Variants in MAF observed in about 807,000 individuals in gnomAD.
MAF encodes the protein MAF bZIP transcription factor, also known as transcription factor Maf.
In MAF, 10 loss-of-function variants were observed where a neutral mutation model predicts 22.0. The ratio of observed to expected loss-of-function variants is 0.45; its 90% CI spans 0.28 to 0.77. The LOEUF is 0.77. MAF is among the 30% of genes least tolerant of loss of function. MAF has a pLI of 0.12. For synonymous variants in MAF, 337 were observed against 255.8 expected, an observed-to-expected ratio of 1.32 and a Z score of -3.03; for missense variants, 544 against 548.4, an observed-to-expected ratio of 0.99 and a Z score of 0.08.
At chr16:79,368,548 A>G in the MAF span, among the ~76,000 whole-genome samples, 1 of 152,096 alleles carries the variant, frequency 6.6e-6, no homozygotes, top group African/African-American at 2.4e-5. Flanking sequence ...TACTGTGCAT[A>G]ATGTTACTGA....
chr16:79,417,848 C>T, the MAF span, among the ~76,000 whole-genome samples: 5 of 152,050 alleles, frequency 3.3e-5, no homozygotes, highest in Non-Finnish European at 7.4e-5. Flanking sequence ...CTCCACACGA[C>T]GCGGCACACG....
chr16:79,371,653 A>T, the MAF span, among the ~76,000 whole-genome samples: 2 of 151,448 alleles, frequency 1.3e-5, no homozygotes, highest in African/African-American at 4.9e-5. Flanking sequence ...TTCCCTAAAA[A>T]CCCTTCCCAT....
the MAF span, among the ~76,000 whole-genome samples, chr16:79,299,028 G>A: frequency 6.6e-6 from 1 of 152,256 alleles, no homozygotes; most frequent in African/African-American, 2.4e-5. Context: ...TGGGCACCTT[G>A]TGGTGCTGAT....
At chr16:79,570,129 T>C in the MAF span, among the ~76,000 whole-genome samples, 1 of 151,920 alleles carries the variant, frequency 6.6e-6, no homozygotes, top group African/African-American at 2.4e-5. Flanking sequence ...AGCCATTAAA[T>C]TGACAGGTTG....
chr16:79,521,812 A>C, the MAF span, among the ~76,000 whole-genome samples: 2 of 152,204 alleles, frequency 1.3e-5, no homozygotes, highest in Admixed American at 6.5e-5. Context: ...CTATGTGAAA[A>C]AGACACCATA....
the MAF span, among the ~76,000 whole-genome samples, chr16:79,369,874 C>G: frequency 6.6e-6 from 1 of 152,208 alleles, no homozygotes; most frequent in African/African-American, 2.4e-5. Context: ...GAAGAAATAA[C>G]TGGAAAGGGG....
At chr16:79,545,525 GAA>G in the MAF span, among the ~76,000 whole-genome samples, 4,000 of 146,414 alleles carry the variant, frequency 0.027, 90 homozygotes, top group Middle Eastern at 0.07. Context: ...CAAGCCATTG[GAA>G]AAAAAAAAAA....
the MAF span, among the ~76,000 whole-genome samples, chr16:79,272,985 C>G: frequency 6.6e-6 from 1 of 152,016 alleles, no homozygotes. Flanking sequence ...TGTGTCTAAA[C>G]TCTAAATTAT....
At chr16:79,443,566 A>T in the MAF span, among the ~76,000 whole-genome samples, 1 of 152,220 alleles carries the variant, frequency 6.6e-6, no homozygotes, top group Non-Finnish European at 1.5e-5. Flanking sequence ...TTCAAAAACT[A>T]AAGAGGGACC....
At chr16:79,477,427 T>A in the MAF span, among the ~76,000 whole-genome samples, 1 of 152,182 alleles carries the variant, frequency 6.6e-6, no homozygotes, top group Non-Finnish European at 1.5e-5. Flanking sequence ...CGAGCCTGGC[T>A]GTCTTGCGTA....
the MAF span, among the ~76,000 whole-genome samples, chr16:79,278,054 G>A: frequency 7.9e-5 from 12 of 152,280 alleles, no homozygotes; most frequent in African/African-American, 2.9e-4. Context: ...TAATGCCTGC[G>A]ATTGCAAACA....
At chr16:79,584,161 TA>T (rs1334746757), downstream of MAF, among the ~76,000 whole-genome samples, 1 of 152,198 alleles carries the variant, frequency 6.6e-6, no homozygotes, top group Admixed American at 6.5e-5. Flanking sequence ...ATTTAGTTTT[TA>T]TATCCTAGCC....
At chr16:79,316,648 A>G in the MAF span, among the ~76,000 whole-genome samples, 2 of 152,172 alleles carry the variant, frequency 1.3e-5, no homozygotes, top group Non-Finnish European at 2.9e-5. Flanking sequence ...GCATGCCAAG[A>G]TATGCCTTCA....
At chr16:79,518,306 A>G in the MAF span, among the ~76,000 whole-genome samples, 1 of 152,212 alleles carries the variant, frequency 6.6e-6, no homozygotes, top group Non-Finnish European at 1.5e-5. Context: ...TTGGGAAGCC[A>G]TTCGATGGCT....
the MAF span, among the ~76,000 whole-genome samples, chr16:79,283,615 G>A: frequency 1.3e-5 from 2 of 152,202 alleles, no homozygotes; most frequent in Non-Finnish European, 2.9e-5. Flanking sequence ...CTTTGAAGCT[G>A]TCATAAAAAT....
the MAF span, among the ~76,000 whole-genome samples, chr16:79,527,997 G>C: frequency 6.6e-6 from 1 of 152,092 alleles, no homozygotes; most frequent in Admixed American, 6.5e-5. Flanking sequence ...CAAAAAATTA[G>C]CCGGGCGTGT....
At chr16:79,428,575 C>A in the MAF span, among the ~76,000 whole-genome samples, 1 of 152,132 alleles carries the variant, frequency 6.6e-6, no homozygotes, top group African/African-American at 2.4e-5. Flanking sequence ...TGCAGTGGCT[C>A]ACACCTGTAA....
chr16:79,405,417 T>C, the MAF span, among the ~76,000 whole-genome samples: 1 of 152,192 alleles, frequency 6.6e-6, no homozygotes, highest in African/African-American at 2.4e-5. Flanking sequence ...CAGGCTGCAT[T>C]ACAGACTCCT....
At chr16:79,216,902 G>C in the MAF span, among the ~76,000 whole-genome samples, 2 of 151,090 alleles carry the variant, frequency 1.3e-5, no homozygotes, top group African/African-American at 4.9e-5. Flanking sequence ...AGCCACCTCC[G>C]GGGTTCAAGA....
Sources: allele counts gnomAD v4.1 joint callset (sites outside exome capture counted in the v4.1 genomes callset), GRCh38; gene constraint gnomAD v4.1.1; transcripts MANE v1.5; gene names NCBI Gene and HGNC (gene_info 2026-07-23, HGNC 2026-07-21).